Variants in CCDC192 observed in about 807,000 individuals in gnomAD.
The protein encoded by CCDC192 is coiled-coil domain containing 192.
intron 3 of CCDC192, among the ~76,000 whole-genome samples, chr5:127,782,664 C>T (rs1327231228): frequency 3.3e-5 from 5 of 151,968 alleles, no homozygotes; most frequent in African/African-American, 9.7e-5. Flanking sequence ...TGTAATATCT[C>T]CCATTTCATT....
intron 6 of CCDC192, among the ~76,000 whole-genome samples, chr5:127,904,520 T>G (rs971376766): frequency 3.2e-5 from 4 of 125,412 alleles, no homozygotes; most frequent in Non-Finnish European, 6.5e-5. Flanking sequence ...TTTTTTTTTC[T>G]GAGACTGAGT....
At position 127,935,952 on chromosome 5, in the gene CCDC192, A is replaced by G. The variant is rs370734528; in HGVS notation, c.536-5230A>G. Among the ~76,000 whole-genome samples, 50 of 152,200 alleles carry G rather than the reference A, an allele frequency of 3.3e-4. 1 individual carries two copies. The East Asian group carries it at 8.7e-3, about 26-fold the overall frequency. The stretch of plus-strand genomic sequence containing the variant: ...AAATCCCGTCTCTACTAAAAATACA[A>G]AATTATCCGAGTGTGGTGGCTCATG... On this transcript the variant is annotated intron_variant, in intron 6 of 6. Transcript: ENST00000514853.
At chr5:127,886,212 C>A (rs1478027385) in intron 6 of CCDC192, among the ~76,000 whole-genome samples, 1 of 152,162 alleles carries the variant, frequency 6.6e-6, no homozygotes, top group East Asian at 1.9e-4. Context: ...CTGGGCACAC[C>A]AATAGAGCAT....
chr5:127,734,709 G>A (rs1460083108), intron 2 of CCDC192, among the ~76,000 whole-genome samples: 2 of 146,354 alleles, frequency 1.4e-5, no homozygotes, highest in African/African-American at 5.2e-5. Flanking sequence ...GTGTTTTTTG[G>A]CTGCATAAAT....
intron 2 of CCDC192, among the ~76,000 whole-genome samples, chr5:127,727,128 G>A (rs1752372230): frequency 6.6e-6 from 1 of 152,166 alleles, no homozygotes; most frequent in South Asian, 2.1e-4. Flanking sequence ...GGGTCTGGAA[G>A]GGACCCTCAG....
At chr5:127,738,549 C>G (rs1753176773) in intron 2 of CCDC192, among the ~76,000 whole-genome samples, 1 of 143,988 alleles carries the variant, frequency 6.9e-6, no homozygotes, top group African/African-American at 2.6e-5. Flanking sequence ...TCCATTCTCC[C>G]CATCACTTTC....
At chr5:127,921,712 C>T (rs1013331806) in intron 6 of CCDC192, among the ~76,000 whole-genome samples, 33 of 152,288 alleles carry the variant, frequency 2.2e-4, no homozygotes, top group African/African-American at 7.7e-4. Context: ...TAGGAAATTA[C>T]TGTAGTGGCC....
At chr5:127,846,470 G>T (rs1750544668) in intron 5 of CCDC192, among the ~76,000 whole-genome samples, 3 of 151,570 alleles carry the variant, frequency 2.0e-5, no homozygotes, top group Non-Finnish European at 4.4e-5. Context: ...ATTTTATTTT[G>T]TTTTTATTTT....
chr5:127,925,156 C>G (rs960206776), intron 6 of CCDC192, among the ~76,000 whole-genome samples: 1 of 152,068 alleles, frequency 6.6e-6, no homozygotes, highest in Non-Finnish European at 1.5e-5. Flanking sequence ...ACTCTATTAC[C>G]ATTAGCTTTA....
At position 127,937,787 on chromosome 5, in the gene CCDC192, A is replaced by G. The variant is rs920498513; in HGVS notation, c.536-3395A>G. ...GCCGCATTTTTGCTGCTGTATCATTAGAGCTGGGTGAACTCTACCTATACT... is the reference window on the plus strand; with the variant it reads ...GCCGCATTTTTGCTGCTGTATCATTGGAGCTGGGTGAACTCTACCTATACT... On this transcript the variant is annotated intron_variant, in intron 6 of 6. Coordinates refer to ENST00000514853, the MANE Select transcript of CCDC192 (RefSeq NM_001317938.2). 3.9e-5 allele frequency among the ~76,000 whole-genome samples: 6 copies of G among 152,224 alleles called. 1 individual carries two copies.
At chr5:127,886,005 C>T (rs561559357) in intron 6 of CCDC192, among the ~76,000 whole-genome samples, 3 of 152,238 alleles carry the variant, frequency 2.0e-5, no homozygotes, top group South Asian at 2.1e-4. Context: ...TTAGTTGCCT[C>T]GTATGCAGTT....
chr5:127,769,487 G>A (rs1755426734), intron 3 of CCDC192, among the ~76,000 whole-genome samples: 2 of 151,970 alleles, frequency 1.3e-5, no homozygotes. Context: ...TCATCAATAT[G>A]TGATTGGCAT....
intron 6 of CCDC192, among the ~76,000 whole-genome samples, chr5:127,897,940 A>T (rs1270787210): frequency 6.6e-6 from 1 of 152,244 alleles, no homozygotes; most frequent in Non-Finnish European, 1.5e-5. Context: ...GAGAAGCTTA[A>T]CATACTGGGC....
At chr5:127,717,928 C>CAAAAAAAAAAAAAAA in intron 2 of CCDC192, among the ~76,000 whole-genome samples, 22 of 98,020 alleles carry the variant, frequency 2.2e-4, no homozygotes, top group East Asian at 2.9e-4. Flanking sequence ...TAAAGCTAGA[C>CAAAAAAAAAAAAAAA]AAAAAAAAAA....
rs188737871 is a variant in CCDC192 at position 127,704,110 on chromosome 5, T to C, written c.62+603T>C. ...TGAGTGAGAGGTGGCCACATCTCTG[T>C]AGCAGGAGCTACATCCTATAGGGCA... On this transcript the variant is annotated intron_variant, in intron 1 of 6. Transcript: ENST00000514853. 3.8e-3 allele frequency among the ~76,000 whole-genome samples: 584 copies of C among 152,370 alleles called. 3 individuals carry two copies. Among genetic ancestry groups the C allele is most frequent in the African/African-American group, 0.013 (554 of 41,596 alleles).
chr5:127,870,460 T>C (rs1438233473), intron 5 of CCDC192, among the ~76,000 whole-genome samples: 1 of 152,202 alleles, frequency 6.6e-6, no homozygotes, highest in Non-Finnish European at 1.5e-5. Context: ...GAAGTTGTCA[T>C]TGGAAAGAAA....
chr5:127,734,965 C>T (rs1427385236), intron 2 of CCDC192, among the ~76,000 whole-genome samples: 4 of 144,226 alleles, frequency 2.8e-5, no homozygotes, highest in African/African-American at 1.0e-4. Context: ...TCTTTTGTTG[C>T]CATTGCTTTT....
intron 3 of CCDC192, among the ~76,000 whole-genome samples, chr5:127,792,710 A>G (rs1158546038): frequency 6.6e-6 from 1 of 151,634 alleles, no homozygotes; most frequent in Non-Finnish European, 1.5e-5. Context: ...TATCTCAAAA[A>G]AGAGGCAGAA....
intron 5 of CCDC192, among the ~76,000 whole-genome samples, chr5:127,831,855 T>C (rs1381331951): frequency 1.3e-5 from 2 of 152,012 alleles, no homozygotes; most frequent in African/African-American, 4.8e-5. Flanking sequence ...TGTCAAAAAA[T>C]CTTGTGAAAT....
Sources: allele counts gnomAD v4.1 joint callset (sites outside exome capture counted in the v4.1 genomes callset), GRCh38; gene constraint gnomAD v4.1.1; transcripts MANE v1.5; gene names NCBI Gene and HGNC (gene_info 2026-07-23, HGNC 2026-07-21).